NBEA: variants seen among roughly 807,000 people sequenced by gnomAD.
The protein encoded by NBEA is lysosomal-trafficking regulator 2.
Under a neutral mutation model 343.4 loss-of-function variants are expected in NBEA, and 44 were observed. The ratio of observed to expected loss-of-function variants is 0.13; its 90% CI spans 0.10 to 0.16. The LOEUF (loss-of-function observed/expected upper bound fraction) is 0.16, where lower values mean the gene tolerates loss of function less well. Ranked by LOEUF, NBEA falls within the 10% of genes least tolerant of loss-of-function variation. NBEA has a pLI of 1.00. For synonymous variants in NBEA, 1,175 were observed against 1,238.7 expected (o/e 0.95, Z 1.08); for missense variants, 2,555 against 3,631.3 (o/e 0.70, Z 7.62).
chr13:35,159,679 A>G lies in NBEA; in HGVS notation c.3508A>G (p.Asn1170Asp), dbSNP rs1414491725. 6.2e-7 allele frequency: 1 copy of G among 1,612,412 alleles called. No homozygotes were observed. Among genetic ancestry groups the G allele is most frequent in the Non-Finnish European group, 8.5e-7 (1 of 1,179,258 alleles). The change falls in exon 22 of 59, where the codon AAT becomes GAT. Residue 1170 changes from asparagine (N) to aspartate (D), a missense_variant. By Grantham distance (23) the Asn-to-Asp change is conservative. Around this residue, in one of 21 missense-constraint regions of NBEA, gnomAD observed 367 missense variants for 377.5 expected, o/e 0.97. Coordinates refer to ENST00000379939, the MANE Select transcript of NBEA (RefSeq NM_001385012.1). ...PELSSNHIIP[N>D]IQDTQVHLGV... ...ACTTTCTAGCAATCACATTATTCCA[A>G]ATATTCAGGACACACAAGTACATCT...
chr13:35,158,976 T>G (rs775429429), intron 21 of NBEA, 40 bp from the exon 22 acceptor site: 7 of 1,454,422 alleles, frequency 4.8e-6, no homozygotes, highest in Non-Finnish European at 6.4e-6. Context: ...CTTTTTGATA[T>G]GTACAAAATG....
chr13:35,561,399 AC>A (rs1478146207), intron 44 of NBEA, among the ~76,000 whole-genome samples: 3 of 152,180 alleles, frequency 2.0e-5, no homozygotes, highest in African/African-American at 7.2e-5. Context: ...TTCTGGCTTC[AC>A]ATGTTTAAAA....
intron 17 of NBEA, among the ~76,000 whole-genome samples, chr13:35,127,993 C>T (rs545613726): frequency 4.8e-4 from 71 of 147,220 alleles, no homozygotes; most frequent in Non-Finnish European, 8.2e-4. Flanking sequence ...GTTCTGTATG[C>T]AAGAAACATA....
At chr13:34,964,892 T>G (rs1403457851) in intron 1 of NBEA, among the ~76,000 whole-genome samples, 1 of 151,988 alleles carries the variant, frequency 6.6e-6, no homozygotes, top group Admixed American at 6.6e-5. Context: ...ATTATTGTGG[T>G]GACTATCACT....
intron 28 of NBEA, among the ~76,000 whole-genome samples, chr13:35,178,291 A>G (rs2152727547): frequency 6.6e-6 from 1 of 151,868 alleles, no homozygotes; most frequent in South Asian, 2.1e-4. Context: ...ACTAGAACCC[A>G]GTCGTTCTAG....
intron 34 of NBEA, among the ~76,000 whole-genome samples, chr13:35,238,326 G>T (rs1368595790): frequency 6.6e-6 from 1 of 152,132 alleles, no homozygotes; most frequent in South Asian, 2.1e-4. Flanking sequence ...AGGCAGCCTG[G>T]AAATGGGAGA....
intron 38 of NBEA, 44 bp from the exon 39 acceptor site, chr13:35,432,225 G>A (rs1234207319): frequency 6.7e-7 from 1 of 1,495,914 alleles, no homozygotes; most frequent in Non-Finnish European, 9.0e-7. Context: ...TTCCAGCTAT[G>A]CATTGTTATT....
At chr13:34,982,525 T>A (rs1442767197) in intron 1 of NBEA, among the ~76,000 whole-genome samples, 1 of 152,170 alleles carries the variant, frequency 6.6e-6, no homozygotes, top group Non-Finnish European at 1.5e-5. Context: ...GGTCTTGAAC[T>A]CCTGGCCTCA....
chr13:34,987,752 A>G (rs954825903), intron 1 of NBEA, among the ~76,000 whole-genome samples: 5 of 150,824 alleles, frequency 3.3e-5, no homozygotes, highest in African/African-American at 7.3e-5. Flanking sequence ...TTGATCTTCA[A>G]TCACTGATAT....
intron 48 of NBEA, among the ~76,000 whole-genome samples, chr13:35,621,634 T>TG (rs2082996190): frequency 6.6e-6 from 1 of 152,202 alleles, no homozygotes; most frequent in Non-Finnish European, 1.5e-5. Flanking sequence ...GAAGAGGGTC[T>TG]GTCACAAAGC....
chr13:34,957,405 T>C (rs2059532811), intron 1 of NBEA, among the ~76,000 whole-genome samples: 1 of 152,178 alleles, frequency 6.6e-6, no homozygotes, highest in Admixed American at 6.5e-5. Flanking sequence ...ATAATTTTTG[T>C]TTTGTCACCT....
At chr13:35,030,444 T>C (rs2062167667) in intron 1 of NBEA, among the ~76,000 whole-genome samples, 1 of 151,598 alleles carries the variant, frequency 6.6e-6, no homozygotes, top group Admixed American at 6.6e-5. Context: ...CATTTTGTAG[T>C]CTATATTAGG....
intron 38 of NBEA, among the ~76,000 whole-genome samples, chr13:35,379,930 C>G (rs998726841): frequency 6.6e-6 from 1 of 152,100 alleles, no homozygotes; most frequent in East Asian, 1.9e-4. Flanking sequence ...GTGGTTCTCA[C>G]AAATTGACTT....
At chr13:35,428,278 C>T (rs2044847326) in intron 38 of NBEA, among the ~76,000 whole-genome samples, 2 of 152,096 alleles carry the variant, frequency 1.3e-5, no homozygotes, top group East Asian at 1.9e-4. Flanking sequence ...CTTGGCTCCT[C>T]CCCCACCCGC....
At chr13:35,096,443 T>A (rs1353417534) in intron 10 of NBEA, among the ~76,000 whole-genome samples, 1 of 151,942 alleles carries the variant, frequency 6.6e-6, no homozygotes, top group East Asian at 1.9e-4. Context: ...TCATTAGATG[T>A]TTGAGAGTGA....
intron 45 of NBEA, among the ~76,000 whole-genome samples, chr13:35,579,624 T>C (rs1192498643): frequency 6.6e-6 from 1 of 152,080 alleles, no homozygotes; most frequent in African/African-American, 2.4e-5. Flanking sequence ...AACAGTTGTT[T>C]TAAAAACAAA....
intron 48 of NBEA, among the ~76,000 whole-genome samples, chr13:35,618,794 G>T (rs17052530): frequency 0.016 from 2,465 of 152,194 alleles, 64 homozygotes; most frequent in African/African-American, 0.056. Context: ...CCCTAATGCT[G>T]GGTTCATCCA....
At chr13:35,178,558 T>G (rs1216086710) in intron 28 of NBEA, among the ~76,000 whole-genome samples, 1 of 151,676 alleles carries the variant, frequency 6.6e-6, no homozygotes, top group Admixed American at 6.6e-5. Context: ...ACTGATTGTA[T>G]GTACATACAT....
intron 41 of NBEA, chr13:35,476,296 C>CCTGCCGCTGCTG (rs1173258839): frequency 4.2e-6 from 4 of 961,206 alleles, no homozygotes; most frequent in Admixed American, 2.1e-5. Flanking sequence ...CGTTGGTTTC[C>CCTGCCGCTGCTG]CTGCTGCTGC....
Sources: gnomAD v4.1 joint callset for allele counts (sites outside exome capture counted in the v4.1 genomes callset) on GRCh38, gnomAD v4.1.1 for gene constraint, gnomAD v4.1.1 regional missense constraint, MANE v1.5 for transcripts, NCBI Gene and HGNC (gene_info 2026-07-23, HGNC 2026-07-21) for gene names.